Variants in FBLN7 observed in about 807,000 individuals in gnomAD.
FBLN7 encodes fibulin-7.
In FBLN7, 31 loss-of-function variants were observed where a neutral mutation model predicts 44.0. The ratio of observed to expected loss-of-function variants is 0.70; its 90% CI spans 0.53 to 0.95. FBLN7 has a LOEUF of 0.95. Ranked by LOEUF, FBLN7 falls within the 40% of genes least tolerant of loss-of-function variation. FBLN7 has a pLI of 0.00. For missense variants in FBLN7, 573 were observed against 618.5 expected, an observed-to-expected ratio of 0.93 and a Z score of 0.78; for synonymous variants, 262 against 253.4, an observed-to-expected ratio of 1.03 and a Z score of -0.32.
chr2:112,233,990 C>G, the FBLN7 span: 1 of 578,024 alleles, frequency 1.7e-6, no homozygotes, highest in Non-Finnish European at 2.8e-6. Context: ...GAATACTTCA[C>G]TAAAATTTTC....
the FBLN7 span, chr2:112,232,049 C>T: frequency 1.6e-5 from 10 of 607,838 alleles, no homozygotes; most frequent in Middle Eastern, 4.9e-4. Context: ...TGTGGCCGGG[C>T]GAGGTGGCTC....
chr2:112,209,888 TG>T, the FBLN7 span, among the ~76,000 whole-genome samples: 1 of 151,566 alleles, frequency 6.6e-6, no homozygotes, highest in African/African-American at 2.4e-5. Flanking sequence ...CAGCCTGGCC[TG>T]GGGTGTTGGA....
At chr2:112,168,131 G>T (rs915173763) in intron 3 of FBLN7, among the ~76,000 whole-genome samples, 8 of 152,190 alleles carry the variant, frequency 5.3e-5, no homozygotes, top group African/African-American at 1.7e-4. Context: ...ATCCTCCCGA[G>T]TCTTGCCCTT....
chr2:112,203,720 T>C, the FBLN7 span, among the ~76,000 whole-genome samples: 89 of 152,308 alleles, frequency 5.8e-4, no homozygotes, highest in African/African-American at 2.1e-3. Flanking sequence ...AGATGTTTAA[T>C]TGGACTTACA....
chr2:112,234,208 T>C, the FBLN7 span: 1 of 1,608,840 alleles, frequency 6.2e-7, no homozygotes, highest in Non-Finnish European at 8.5e-7. Context: ...CTGACTCAAA[T>C]GCTGCTGCTT....
chr2:112,214,310 T>G, the FBLN7 span: 1 of 152,098 alleles, frequency 6.6e-6, no homozygotes, highest in African/African-American at 2.4e-5. Flanking sequence ...TATTGAGAGG[T>G]AAGTAGTTGA....
At chr2:112,205,266 A>T in the FBLN7 span, among the ~76,000 whole-genome samples, 1 of 152,130 alleles carries the variant, frequency 6.6e-6, no homozygotes, top group Non-Finnish European at 1.5e-5. Context: ...CCATTCATAG[A>T]GGAATAGAGA....
chr2:112,149,786 C>T (rs1164570728), intron 1 of FBLN7, among the ~76,000 whole-genome samples: 1 of 152,192 alleles, frequency 6.6e-6, no homozygotes, highest in Non-Finnish European at 1.5e-5. Flanking sequence ...GGACCCAAAC[C>T]CATCCATTTG....
chr2:112,217,243 T>C, the FBLN7 span, among the ~76,000 whole-genome samples: 8 of 152,058 alleles, frequency 5.3e-5, no homozygotes, highest in Non-Finnish European at 1.0e-4. Context: ...TGGTGGCACA[T>C]GCCTGTAATC....
At chr2:112,238,422 T>G in the FBLN7 span, 1 of 1,613,734 alleles carries the variant, frequency 6.2e-7, no homozygotes, top group Admixed American at 1.7e-5. Flanking sequence ...GGCAAAATTA[T>G]CTTCTGATTC....
the FBLN7 span, among the ~76,000 whole-genome samples, chr2:112,207,715 G>A: frequency 6.6e-6 from 1 of 152,098 alleles, no homozygotes; most frequent in Non-Finnish European, 1.5e-5. Flanking sequence ...ATGTATACAC[G>A]TTTTGGATTG....
In FBLN7 at chr2:112,159,780, C is replaced by T; in HGVS notation, c.180C>T (p.Ser60=). The change falls in exon 2 of 8, where the codon AGC becomes AGT. Residue 60 remains serine, a synonymous_variant. Transcript: ENST00000331203. The part of the protein sequence containing the change: ...RFAEGIRHMK[S]RLAALQNSVG... The stretch of plus-strand genomic sequence containing the variant: ...CCGAGGGCATCCGCCACATGAAGAG[C>T]CGGCTGGCCGCGCTGCAGAACTCTG... The T allele has an allele frequency of 6.2e-7, 1 of 1,600,494 alleles. No homozygotes were observed. Among genetic ancestry groups the T allele is most frequent in the Non-Finnish European group, 8.5e-7 (1 of 1,174,116 alleles).
chr2:112,209,992 ATGCTGGCAGCCCAGCACGGGG>A, the FBLN7 span, among the ~76,000 whole-genome samples: 75 of 152,082 alleles, frequency 4.9e-4, 2 homozygotes, highest in African/African-American at 1.4e-3. Context: ...GGGAGTGGTG[ATGCTGGCAGCCCAGCACGGGG>A]TGTCTGAGCC....
chr2:112,168,451 A>G (rs1223100693), intron 3 of FBLN7, among the ~76,000 whole-genome samples: 1 of 152,168 alleles, frequency 6.6e-6, no homozygotes, highest in Non-Finnish European at 1.5e-5. Context: ...GTTACAACCA[A>G]GCTGCTCCAG....
At chr2:112,235,719 C>A in the FBLN7 span, among the ~76,000 whole-genome samples, 1 of 152,048 alleles carries the variant, frequency 6.6e-6, no homozygotes, top group African/African-American at 2.4e-5. Flanking sequence ...GGAAAGGGAA[C>A]TTCTAAAAAC....
intron 2 of FBLN7, among the ~76,000 whole-genome samples, chr2:112,160,648 GCA>G (rs1558879438): frequency 6.5e-4 from 7 of 10,726 alleles, no homozygotes; most frequent in African/African-American, 2.4e-3. Context: ...ACACACACGC[GCA>G]CGCACACGCG....
chr2:112,170,324 C>T (rs111264508), intron 3 of FBLN7, among the ~76,000 whole-genome samples: 3,960 of 151,708 alleles, frequency 0.026, 65 homozygotes, highest in Middle Eastern at 0.041. Context: ...GTCAGGAGTT[C>T]GAGACCAGCC....
At chr2:112,190,339 T>C (rs568329705), downstream of FBLN7, 90 of 152,342 alleles carry the variant, frequency 5.9e-4, no homozygotes, top group African/African-American at 1.9e-3. Context: ...GTGCTATTGA[T>C]TTTTTCTTTG....
intron 1 of FBLN7, among the ~76,000 whole-genome samples, chr2:112,150,158 A>G (rs1216359083): frequency 2.6e-5 from 4 of 152,144 alleles, no homozygotes; most frequent in African/African-American, 9.7e-5. Context: ...TGGACCTTAG[A>G]TGGAAGGGGA....
Sources: gnomAD v4.1 joint callset for allele counts (sites outside exome capture counted in the v4.1 genomes callset) on GRCh38, gnomAD v4.1.1 for gene constraint, MANE v1.5 for transcripts, NCBI Gene and HGNC (gene_info 2026-07-23, HGNC 2026-07-21) for gene names.